NLK: variants seen among roughly 807,000 people sequenced by gnomAD.
The protein encoded by NLK is nemo like kinase.
Under a neutral mutation model 59.0 loss-of-function variants are expected in NLK, and 11 were observed. The ratio of observed to expected loss-of-function variants is 0.19; its 90% CI spans 0.12 to 0.31. The LOEUF is 0.31. Ranked by LOEUF, NLK falls within the 10% of genes least tolerant of loss-of-function variation. NLK has a pLI of 1.00. For synonymous variants in NLK, 235 were observed against 235.9 expected (o/e 1.00, Z 0.03); for missense variants, 410 against 661.1 (o/e 0.62, Z 4.16).
chr17:28,070,436 C>T (rs911520685), intron 1 of NLK, among the ~76,000 whole-genome samples: 2 of 148,624 alleles, frequency 1.3e-5, no homozygotes, highest in Non-Finnish European at 3.0e-5. Context: ...CTCACTGCAG[C>T]CTCCACCTTC....
At chr17:28,103,408 T>A (rs1324973946) in intron 1 of NLK, among the ~76,000 whole-genome samples, 11 of 152,238 alleles carry the variant, frequency 7.2e-5, no homozygotes, top group Non-Finnish European at 1.5e-5. Context: ...AGTTTTTGTT[T>A]GAAAGTTGTA....
chr17:28,046,928 T>G (rs1055602079), intron 1 of NLK, among the ~76,000 whole-genome samples: 1 of 152,250 alleles, frequency 6.6e-6, no homozygotes. Context: ...TCACTTGCTC[T>G]GTTGCCTTTG....
chr17:28,176,638 C>A (rs1908691937), intron 7 of NLK, among the ~76,000 whole-genome samples: 1 of 152,188 alleles, frequency 6.6e-6, no homozygotes, highest in Admixed American at 6.5e-5. Flanking sequence ...CTGGCACTTA[C>A]ATATTCACAG....
At chr17:28,187,736 A>G (rs556816638) in intron 8 of NLK, among the ~76,000 whole-genome samples, 2 of 152,374 alleles carry the variant, frequency 1.3e-5, no homozygotes, top group African/African-American at 4.8e-5. Context: ...CAAGTTCTAC[A>G]TGTGACATGT....
chr17:28,042,798 G>C lies in NLK; in HGVS notation c.-76G>C. ...CTATGTTTTTTGAGGTGGAGTGAGT[G>C]GTTTTTCTTCATTTTTAAATGGCCA... is the stretch of plus-strand genomic sequence containing the variant. On this transcript the variant is annotated 5_prime_UTR_variant, in exon 1 of 11. Coordinates refer to ENST00000407008, the MANE Select transcript of NLK (RefSeq NM_016231.5). 3 of 1,303,780 alleles carry C rather than the reference G, an allele frequency of 2.3e-6. No homozygotes were observed. The highest frequency in any genetic ancestry group is 2.1e-6 in the Non-Finnish European group (2 of 969,508). 80.8% of individuals were successfully genotyped at this position (1,303,780 alleles called of 1,614,324 possible).
chr17:28,058,802 G>A (rs1909528445), intron 1 of NLK, among the ~76,000 whole-genome samples: 1 of 152,150 alleles, frequency 6.6e-6, no homozygotes, highest in Non-Finnish European at 1.5e-5. Context: ...CCAATGCTGA[G>A]TTTGTATGTG....
At chr17:28,062,770 G>A (rs549425049) in intron 1 of NLK, among the ~76,000 whole-genome samples, 3 of 152,126 alleles carry the variant, frequency 2.0e-5, no homozygotes, top group Non-Finnish European at 2.9e-5. Context: ...TAGTAGAGAT[G>A]GGGTTTCACC....
chr17:28,178,189 G>A (rs1390986667), intron 7 of NLK, among the ~76,000 whole-genome samples: 1 of 152,198 alleles, frequency 6.6e-6, no homozygotes, highest in African/African-American at 2.4e-5. Context: ...TATTGGGTTA[G>A]CCATCCCATT....
chr17:28,184,948 AAAAAAT>A (rs1244882338), intron 7 of NLK, among the ~76,000 whole-genome samples: 1 of 152,324 alleles, frequency 6.6e-6, no homozygotes, highest in East Asian at 1.9e-4. Flanking sequence ...AATCCATATC[AAAAAAT>A]AAAAATAAAA....
chr17:28,076,667 TAA>T (rs1181072088), intron 1 of NLK, among the ~76,000 whole-genome samples: 1 of 152,168 alleles, frequency 6.6e-6, no homozygotes, highest in African/African-American at 2.4e-5. Context: ...CTGGAGAAGG[TAA>T]AAGAGTATCC....
At chr17:28,172,703 T>A in intron 7 of NLK, 85 bp downstream of exon 7, 1 of 644,860 alleles carries the variant, frequency 1.6e-6, no homozygotes, top group Non-Finnish European at 2.4e-6. Flanking sequence ...TAAGGATTTT[T>A]AAGCAAATGT....
chr17:28,122,405 T>C (rs180901388), intron 1 of NLK, among the ~76,000 whole-genome samples, 198 bp from the exon 2 acceptor site: 53 of 152,226 alleles, frequency 3.5e-4, no homozygotes, highest in Admixed American at 3.3e-3. Flanking sequence ...GCAGATGAGT[T>C]GGGTGACCAA....
chr17:28,092,878 A>T (rs1391323373), intron 1 of NLK, among the ~76,000 whole-genome samples: 1 of 151,472 alleles, frequency 6.6e-6, no homozygotes, highest in Non-Finnish European at 1.5e-5. Context: ...TCACTGCAAC[A>T]TCCGCCTCCC....
chr17:28,077,267 A>T (rs1459119753), intron 1 of NLK, among the ~76,000 whole-genome samples: 1 of 151,796 alleles, frequency 6.6e-6, no homozygotes, highest in African/African-American at 2.4e-5. Context: ...TGTGGCTTGG[A>T]AGGCCTCAGA....
At chr17:28,055,671 A>T (rs1335869408) in intron 1 of NLK, among the ~76,000 whole-genome samples, 1 of 152,176 alleles carries the variant, frequency 6.6e-6, no homozygotes, top group South Asian at 2.1e-4. Context: ...GAATTATTAT[A>T]TATTTAAAGT....
At chr17:28,068,696 T>TA (rs371364230) in intron 1 of NLK, among the ~76,000 whole-genome samples, 4 of 152,358 alleles carry the variant, frequency 2.6e-5, no homozygotes, top group African/African-American at 9.6e-5. Context: ...TTCTATTTTT[T>TA]AGAGACAAGA....
At chr17:28,111,299 G>T (rs1342764131) in intron 1 of NLK, among the ~76,000 whole-genome samples, 1 of 151,700 alleles carries the variant, frequency 6.6e-6, no homozygotes, top group Non-Finnish European at 1.5e-5. Flanking sequence ...TGATTCTCCT[G>T]CCTCAGCCTC....
At chr17:28,128,650 A>G (rs1009361495) in intron 2 of NLK, among the ~76,000 whole-genome samples, 1 of 152,218 alleles carries the variant, frequency 6.6e-6, no homozygotes, top group Non-Finnish European at 1.5e-5. Context: ...AAAAAGACTG[A>G]CAATACCAAC....
At chr17:28,172,714 A>T in intron 7 of NLK, 96 bp downstream of exon 7, 1 of 578,220 alleles carries the variant, frequency 1.7e-6, no homozygotes, top group Non-Finnish European at 2.7e-6. Context: ...AAGCAAATGT[A>T]TTATCTGTAG....
Sources: gnomAD v4.1 joint callset for allele counts (sites outside exome capture counted in the v4.1 genomes callset) on GRCh38, gnomAD v4.1.1 for gene constraint, MANE v1.5 for transcripts, NCBI Gene and HGNC (gene_info 2026-07-23, HGNC 2026-07-21) for gene names.